The following ERC1 variants were observed in gnomAD, a reference collection of about 807,000 sequenced individuals.
ERC1 encodes ELKS/RAB6-interacting/CAST family member 1.
In ERC1, 56 loss-of-function variants were observed where a neutral mutation model predicts 132.0. That is an observed-to-expected ratio of 0.42 (90% CI 0.34 to 0.53). The LOEUF is 0.53. Ranked by LOEUF, ERC1 falls within the 20% of genes least tolerant of loss-of-function variation. ERC1 has a pLI of 0.03. For synonymous variants in ERC1, 478 were observed against 476.1 expected, an observed-to-expected ratio of 1.00 and a Z score of -0.05; for missense variants, 1,202 against 1,349.9, an observed-to-expected ratio of 0.89 and a Z score of 1.72.
At chr12:1,191,190 T>C (rs1955694564) in intron 12 of ERC1, among the ~76,000 whole-genome samples, 1 of 152,196 alleles carries the variant, frequency 6.6e-6, no homozygotes. Flanking sequence ...CTGAATAAGA[T>C]ATATGGATAA....
chr12:1,208,040 T>C (rs1025821195), intron 12 of ERC1, among the ~76,000 whole-genome samples: 4 of 152,178 alleles, frequency 2.6e-5, no homozygotes, highest in South Asian at 2.1e-4. Context: ...CTGTTAAAAA[T>C]GCTATCACCT....
intron 1 of ERC1, among the ~76,000 whole-genome samples, chr12:1,023,135 A>G (rs1047061432): frequency 6.6e-6 from 1 of 152,184 alleles, no homozygotes; most frequent in Non-Finnish European, 1.5e-5. Flanking sequence ...ATGGACTAAT[A>G]CAGGACTCTG....
At chr12:1,340,709 C>T (rs891616210) in intron 15 of ERC1, among the ~76,000 whole-genome samples, 7 of 152,228 alleles carry the variant, frequency 4.6e-5, no homozygotes, top group African/African-American at 1.7e-4. Flanking sequence ...CCAGTCAGCT[C>T]GGTTTCTCGC....
intron 16 of ERC1, among the ~76,000 whole-genome samples, chr12:1,373,418 A>G (rs775706418): frequency 7.2e-5 from 11 of 152,254 alleles, no homozygotes; most frequent in African/African-American, 2.7e-4. Context: ...GCAGACCAGA[A>G]TACCATACCT....
chr12:1,138,177 AATATAT>A (rs564335054), intron 7 of ERC1, among the ~76,000 whole-genome samples: 16 of 117,824 alleles, frequency 1.4e-4, no homozygotes, highest in African/African-American at 5.7e-4. Flanking sequence ...AATTGTATAT[AATATAT>A]ATCATATATA....
chr12:1,379,553 G>A (rs2088373366), intron 16 of ERC1, among the ~76,000 whole-genome samples: 3 of 152,126 alleles, frequency 2.0e-5, no homozygotes, highest in Non-Finnish European at 4.4e-5. Flanking sequence ...TCCCAGTTAT[G>A]CCAAAATCTA....
At chr12:1,385,863 C>G (rs939936680) in intron 16 of ERC1, 2 of 152,074 alleles carry the variant, frequency 1.3e-5, no homozygotes, top group South Asian at 2.1e-4. Flanking sequence ...AAGTGGGTCT[C>G]TTACTTTTGT....
At chr12:1,082,009 C>T (rs948898095) in intron 2 of ERC1, among the ~76,000 whole-genome samples, 5 of 135,682 alleles carry the variant, frequency 3.7e-5, no homozygotes, top group Admixed American at 7.7e-5. Context: ...TTTTGTATTT[C>T]GCTGTCCTTC....
intron 2 of ERC1, among the ~76,000 whole-genome samples, chr12:1,081,262 C>T (rs916491479): frequency 2.0e-5 from 3 of 152,038 alleles, no homozygotes; most frequent in Non-Finnish European, 4.4e-5. Flanking sequence ...CGTGTACCTT[C>T]TTTAGGGATA....
intron 3 of ERC1, among the ~76,000 whole-genome samples, chr12:1,101,796 A>G (rs1944694063): frequency 6.6e-6 from 1 of 152,186 alleles, no homozygotes; most frequent in African/African-American, 2.4e-5. Flanking sequence ...TTGAAACCAT[A>G]GGATTAGGGA....
At chr12:1,150,146 A>G (rs1165853158) in intron 8 of ERC1, among the ~76,000 whole-genome samples, 1 of 152,356 alleles carries the variant, frequency 6.6e-6, no homozygotes, top group East Asian at 1.9e-4. Flanking sequence ...TCTTTGAAGC[A>G]GTTCCCTCAG....
chr12:1,041,149 TAATA>T (rs1443843644), intron 2 of ERC1, among the ~76,000 whole-genome samples: 3 of 151,882 alleles, frequency 2.0e-5, no homozygotes, highest in Non-Finnish European at 2.9e-5. Context: ...ACAATAAACC[TAATA>T]AATGTTATCA....
intron 15 of ERC1, among the ~76,000 whole-genome samples, chr12:1,338,154 C>T (rs1462680163): frequency 3.9e-5 from 6 of 152,206 alleles, no homozygotes; most frequent in Non-Finnish European, 8.8e-5. Flanking sequence ...CTCTCCCCAT[C>T]TCTTTCAGGG....
chr12:1,172,007 G>A (rs1274523251), intron 8 of ERC1, among the ~76,000 whole-genome samples: 2 of 152,150 alleles, frequency 1.3e-5, no homozygotes, highest in African/African-American at 4.8e-5. Flanking sequence ...GATTTTATCA[G>A]TTTTTCTTTC....
At chr12:1,121,024 C>T (rs149337807) in intron 7 of ERC1, among the ~76,000 whole-genome samples, 15 of 152,158 alleles carry the variant, frequency 9.9e-5, no homozygotes, top group East Asian at 3.9e-4. Flanking sequence ...CCAGTCTTTC[C>T]GTAATTTAAA....
chr12:1,325,248 C>G (rs1375414733), intron 15 of ERC1, among the ~76,000 whole-genome samples: 1 of 152,074 alleles, frequency 6.6e-6, no homozygotes, highest in Admixed American at 6.5e-5. Flanking sequence ...TATCAATGTT[C>G]TGGGAGTCTG....
chr12:1,488,721 C>T (rs1331302590), intron 18 of ERC1, among the ~76,000 whole-genome samples: 1 of 152,168 alleles, frequency 6.6e-6, no homozygotes, highest in Non-Finnish European at 1.5e-5. Context: ...TCCTTTCTTT[C>T]CTAAAACCTG....
At chr12:1,135,375 C>T (rs1949148432) in intron 7 of ERC1, among the ~76,000 whole-genome samples, 1 of 152,160 alleles carries the variant, frequency 6.6e-6, no homozygotes, top group African/African-American at 2.4e-5. Flanking sequence ...TCTATGTGTA[C>T]ACTTCTGTAT....
At chr12:1,418,725 T>TCTTTC (rs1431578086) in intron 17 of ERC1, among the ~76,000 whole-genome samples, 10 of 137,234 alleles carry the variant, frequency 7.3e-5, no homozygotes, top group Non-Finnish European at 6.2e-5. Flanking sequence ...TTTCTTTCTT[T>TCTTTC]TTGGAGACAG....
Sources: gnomAD v4.1 joint callset for allele counts (sites outside exome capture counted in the v4.1 genomes callset) on GRCh38, gnomAD v4.1.1 for gene constraint, MANE v1.5 for transcripts, NCBI Gene and HGNC (gene_info 2026-07-23, HGNC 2026-07-21) for gene names.